Variants in ZNF724 observed in about 807,000 individuals in gnomAD.
The protein encoded by ZNF724 is zinc finger protein 724 pseudogene.
ZNF724 carries 14 observed loss-of-function variants against 29.3 expected under a neutral mutation model. That is an observed-to-expected ratio of 0.48 (90% CI 0.32 to 0.75). ZNF724 has a LOEUF of 0.75. ZNF724 is among the 30% of genes least tolerant of loss of function. The pLI, the probability that ZNF724 is intolerant of heterozygous loss-of-function variation, is 0.04. For synonymous variants in ZNF724, 180 were observed against 193.6 expected (o/e 0.93, Z 0.58); for missense variants, 557 against 571.2 (o/e 0.98, Z 0.25).
intron 1 of ZNF724, among the ~76,000 whole-genome samples, chr19:23,243,923 CAA>C (rs1025789584): frequency 4.4e-5 from 4 of 90,168 alleles, no homozygotes; most frequent in African/African-American, 4.2e-5. Context: ...AACTCCATCT[CAA>C]AAAAAAAAAA....
chr19:23,222,898 G>T lies in ZNF724; in HGVS notation c.1347C>A (p.Pro449=). 7.2e-7 allele frequency: 1 copy of T among 1,397,502 alleles called. No individual in the cohort carries two copies. Among genetic ancestry groups the T allele is most frequent in the South Asian group, 1.2e-5 (1 of 86,434 alleles). The allele number at this position is 1,397,502 out of a possible 1,614,324, so 86.6% of individuals were successfully genotyped here. The change falls in exon 4 of 4, where the codon CCC becomes CCA. Residue 449 remains proline (P), a synonymous_variant. Coordinates refer to ENST00000418100, the MANE Select transcript of ZNF724 (RefSeq NM_001355404.2). ...CTTTGCCACATTCTTTACATTTGTA[G>T]GGTTTCTCTCCAGTATGAATTATCT... The part of the protein sequence containing the change: ...THKIIHTGEK[P]YKCKECGKAF...
intron 3 of ZNF724, among the ~76,000 whole-genome samples, chr19:23,226,701 C>A (rs139721439): frequency 6.6e-6 from 1 of 152,062 alleles, no homozygotes; most frequent in East Asian, 1.9e-4. Context: ...TAAGACAAAA[C>A]AACCACTGAA....
chr19:23,227,372 T>C (rs12611004), intron 3 of ZNF724, among the ~76,000 whole-genome samples: 72,925 of 151,052 alleles, frequency 0.48, 19,283 homozygotes, highest in East Asian at 0.68. Context: ...CTGGCCAACA[T>C]GATGAAACCC....
chr19:23,224,958 C>CA (rs902975224), intron 3 of ZNF724, among the ~76,000 whole-genome samples: 38 of 149,064 alleles, frequency 2.5e-4, no homozygotes, highest in African/African-American at 8.9e-4. Flanking sequence ...CCGTCTCAAA[C>CA]AAAAAAACAA....
chr19:23,247,044 G>A (rs992600527), intron 1 of ZNF724, among the ~76,000 whole-genome samples: 5 of 152,082 alleles, frequency 3.3e-5, no homozygotes, highest in South Asian at 2.1e-4. Flanking sequence ...CCAACATGGC[G>A]AAACCCCGTG....
In ZNF724 at chr19:23,223,601, T is replaced by C; in HGVS notation, c.644A>G (p.Gln215Arg). ...KAFNVSSTLSQHKRIHTGQKH... is the reference protein window; with the variant it reads ...KAFNVSSTLSRHKRIHTGQKH... ...TTGTCCTGTATGAATTCTCTTATGT[T>C]GAGAAAGGGTTGAGGACACATTAAA... The change falls in exon 4 of 4, where the codon CAA becomes CGA. Residue 215 changes from glutamine to arginine, a missense_variant. Around this residue, in one of 3 missense-constraint regions of ZNF724, gnomAD observed 362 missense variants for 295.5 expected, o/e 1.22. Transcript: ENST00000418100. The C allele has an allele frequency of 1.4e-6, 1 of 716,506 alleles. No homozygotes were observed. The highest frequency in any genetic ancestry group is 2.6e-6 in the Non-Finnish European group (1 of 386,786). 44.4% of individuals were successfully genotyped at this position (716,506 alleles called of 1,614,324 possible). A position where few individuals can be genotyped will look rare whatever the true frequency, so the allele number is the denominator to read the frequency against.
chr19:23,230,489 AC>A (rs1335942944), intron 3 of ZNF724, among the ~76,000 whole-genome samples: 3 of 41,932 alleles, frequency 7.2e-5, no homozygotes, highest in Non-Finnish European at 1.7e-4. Flanking sequence ...ATATTTCAAG[AC>A]TATAGTATAA....
chr19:23,240,629 A>C (rs960885826), intron 1 of ZNF724, among the ~76,000 whole-genome samples: 1 of 151,684 alleles, frequency 6.6e-6, no homozygotes, highest in Admixed American at 6.6e-5. Context: ...ATTTAAGCAC[A>C]TAATTGCTTA....
intron 3 of ZNF724, among the ~76,000 whole-genome samples, chr19:23,225,492 A>G (rs1466049199): frequency 6.6e-6 from 1 of 151,828 alleles, no homozygotes; most frequent in Non-Finnish European, 1.5e-5. Context: ...TGTATTCCCC[A>G]CTACTCAGGA....
intron 3 of ZNF724, among the ~76,000 whole-genome samples, chr19:23,228,805 G>A (rs377314134): frequency 2.0e-5 from 3 of 151,392 alleles, no homozygotes; most frequent in Non-Finnish European, 4.4e-5. Context: ...CAGGAGAATC[G>A]CTTGAACCTG....
chr19:23,234,228 G>T (rs1050064143), intron 1 of ZNF724, among the ~76,000 whole-genome samples: 1 of 152,132 alleles, frequency 6.6e-6, no homozygotes, highest in African/African-American at 2.4e-5. Context: ...TTACCTTAGA[G>T]TCACATGAGG....
chr19:23,237,881 AG>A (rs1298751183), intron 1 of ZNF724, among the ~76,000 whole-genome samples: 1 of 152,186 alleles, frequency 6.6e-6, no homozygotes, highest in African/African-American at 2.4e-5. Context: ...TTTCTTTTGC[AG>A]TGTAAGTACT....
chr19:23,246,288 T>G (rs1343196108), intron 1 of ZNF724, among the ~76,000 whole-genome samples: 2 of 152,040 alleles, frequency 1.3e-5, no homozygotes, highest in African/African-American at 4.8e-5. Flanking sequence ...TACTTTATTA[T>G]CTCCATTATA....
intron 3 of ZNF724, among the ~76,000 whole-genome samples, chr19:23,227,293 G>A (rs955382500): frequency 2.0e-5 from 3 of 151,886 alleles, no homozygotes; most frequent in Admixed American, 6.6e-5. Flanking sequence ...GGTGGCTCAC[G>A]CCTGTAATCC....
Position 23,223,311 on chromosome 19 carries a change from A to T in ZNF724, c.934T>A (p.Cys312Ser). ...IIHAGEKPYI[C>S]EHCGRAFNQS... is the part of the protein sequence containing the mutation. ...TTAAAAGCTCTGCCACAATGTTCAC[A>T]TATGTAGGGCTTCTCTCCAGCATGA... The change falls in exon 4 of 4, where the codon TGT (cysteine) becomes AGT (serine). Residue 312 changes from cysteine (C) to serine (S), a missense_variant. Physicochemically the swap from Cys to Ser is moderately radical, Grantham distance 112 (BLOSUM62 -1). Around this residue, in one of 3 missense-constraint regions of ZNF724, gnomAD observed 362 missense variants for 295.5 expected, o/e 1.22. Transcript: ENST00000418100. 1 of 773,282 alleles carries T rather than the reference A, an allele frequency of 1.3e-6. No homozygotes were observed. Among genetic ancestry groups the T allele is most frequent in the Non-Finnish European group, 2.4e-6 (1 of 418,860 alleles). The allele number at this position is 773,282 out of a possible 1,614,324, so 47.9% of individuals were successfully genotyped here.
At chr19:23,234,017 T>C (rs945715581) in intron 1 of ZNF724, among the ~76,000 whole-genome samples, 2 of 151,962 alleles carry the variant, frequency 1.3e-5, no homozygotes, top group Non-Finnish European at 2.9e-5. Flanking sequence ...AAGAGAAAAA[T>C]AGAAGTTTCT....
In ZNF724 at chr19:23,250,285, C is replaced by G; in HGVS notation, c.-43G>C. The stretch of plus-strand genomic sequence containing the variant: ...AGGCCCTGGCGTCTTAGCTGTGGAT[C>G]TCCCAATGCTTGCAGGTCAGAGGGC... On this transcript the variant is annotated 5_prime_UTR_variant, in exon 1 of 4. Transcript: ENST00000418100. The G allele has an allele frequency of 1.5e-6, 1 of 662,892 alleles. No individual in the cohort carries two copies. Among genetic ancestry groups the G allele is most frequent in the Non-Finnish European group, 2.7e-6 (1 of 373,960 alleles). The allele number at this position is 662,892 out of a possible 1,614,324, so 41.1% of individuals were successfully genotyped here. A position where few individuals can be genotyped will look rare whatever the true frequency, so the allele number is the denominator to read the frequency against.
At chr19:23,236,752 T>A (rs1972027213) in intron 1 of ZNF724, 1 of 152,212 alleles carries the variant, frequency 6.6e-6, no homozygotes, top group African/African-American at 2.4e-5. Context: ...CAGCAAAATT[T>A]TATAAAGTTT....
chr19:23,235,718 G>A (rs12462596), intron 1 of ZNF724, among the ~76,000 whole-genome samples: 73,044 of 151,942 alleles, frequency 0.48, 19,243 homozygotes, highest in East Asian at 0.68. Context: ...AGCCTGAGAG[G>A]AAAAGGCCCC....
Sources: gnomAD v4.1 joint callset for allele counts (sites outside exome capture counted in the v4.1 genomes callset) on GRCh38, gnomAD v4.1.1 for gene constraint, gnomAD v4.1.1 regional missense constraint, MANE v1.5 for transcripts, NCBI Gene and HGNC (gene_info 2026-07-23, HGNC 2026-07-21) for gene names.